Variants in CCDC34 observed in about 807,000 individuals in gnomAD.
CCDC34 encodes the protein coiled-coil domain-containing protein 34.
In CCDC34, 40 loss-of-function variants were observed where a neutral mutation model predicts 44.1. The observed-to-expected ratio is 0.91, with a 90% CI of 0.70 to 1.18. The LOEUF (loss-of-function observed/expected upper bound fraction) is 1.18. CCDC34 is among the 50% of genes most tolerant of loss of function. The pLI is 0.00. For missense variants in CCDC34, 466 were observed against 452.3 expected (o/e 1.03, Z -0.28); for synonymous variants, 159 against 158.2 (o/e 1.01, Z -0.04).
At chr11:27,351,035 T>C (rs906667234) in intron 2 of CCDC34, among the ~76,000 whole-genome samples, 2 of 152,206 alleles carry the variant, frequency 1.3e-5, no homozygotes, top group Non-Finnish European at 2.9e-5. Context: ...ATCTACACGT[T>C]TGGGCATTTC....
chr11:27,338,680 A>G lies in CCDC34; in HGVS notation c.*141T>C, dbSNP rs1246907749. 10 of 679,370 alleles carry G rather than the reference A, an allele frequency of 1.5e-5. No homozygotes were observed. The highest frequency in any genetic ancestry group is 2.5e-5 in the Non-Finnish European group (10 of 406,144). The allele number at this position is 679,370 out of a possible 1,614,324, so 42.1% of individuals were successfully genotyped here. On this transcript the variant is annotated 3_prime_UTR_variant, in exon 6 of 6. Transcript: ENST00000328697. Reference sequence around the variant, plus strand: ...TCCAGAAAATATCTTCCTCAACTCTAAGGACTCCATATACAAATGCAAAAA... The same window carrying G: ...TCCAGAAAATATCTTCCTCAACTCTGAGGACTCCATATACAAATGCAAAAA...
chr11:27,357,364 G>A (rs1411333772), intron 2 of CCDC34, 39 bp downstream of exon 2: 3 of 1,580,926 alleles, frequency 1.9e-6, no homozygotes, highest in Non-Finnish European at 2.6e-6. Context: ...TACTTTGTGA[G>A]CTCACAGATT....
rs200257743 is a variant in CCDC34, at chr11:27,362,786, T to C, written c.359+50A>G. 2,028 of 1,582,826 alleles carry C rather than the reference T, an allele frequency of 1.3e-3. 3 individuals carry two copies. The highest frequency in any genetic ancestry group is 4.6e-3 in the Middle Eastern group (27 of 5,894). On this transcript the variant is annotated intron_variant, in intron 1 of 5. Coordinates refer to ENST00000328697, the MANE Select transcript of CCDC34 (RefSeq NM_030771.2). Reference sequence around the variant, plus strand: ...TGTTAGAAGGGGGTACTTAAGAGGGTCTAAGGAATCTTGAAAAGGGCTGAA... The same window carrying C: ...TGTTAGAAGGGGGTACTTAAGAGGGCCTAAGGAATCTTGAAAAGGGCTGAA...
intron 3 of CCDC34, among the ~76,000 whole-genome samples, chr11:27,342,853 C>G (rs1862380879): frequency 6.6e-6 from 1 of 152,126 alleles, no homozygotes; most frequent in African/African-American, 2.4e-5. Flanking sequence ...CAGCTAAATT[C>G]TAAATAACCA....
At chr11:27,342,232 T>G (rs1159490746) in intron 3 of CCDC34, among the ~76,000 whole-genome samples, 2 of 151,184 alleles carry the variant, frequency 1.3e-5, no homozygotes, top group Non-Finnish European at 2.9e-5. Flanking sequence ...TACAATCTGT[T>G]AGATTGTCTG....
At chr11:27,346,912 C>G (rs1862442732) in intron 3 of CCDC34, among the ~76,000 whole-genome samples, 1 of 152,126 alleles carries the variant, frequency 6.6e-6, no homozygotes, top group Non-Finnish European at 1.5e-5. Context: ...TATATGTGAA[C>G]AGAGAAAAGC....
chr11:27,352,300 C>A (rs1192561424), intron 2 of CCDC34, among the ~76,000 whole-genome samples: 2 of 151,682 alleles, frequency 1.3e-5, no homozygotes, highest in Non-Finnish European at 2.9e-5. Flanking sequence ...GGAGACTCGC[C>A]TGAACCTGGG....
At chr11:27,360,515 T>C (rs533464480) in intron 1 of CCDC34, among the ~76,000 whole-genome samples, 9 of 152,190 alleles carry the variant, frequency 5.9e-5, no homozygotes, top group African/African-American at 1.9e-4. Context: ...AGGCATAAAA[T>C]CCCACACAGC....
intron 2 of CCDC34, among the ~76,000 whole-genome samples, chr11:27,355,644 G>A (rs1284941104): frequency 2.0e-5 from 3 of 152,036 alleles, no homozygotes; most frequent in Non-Finnish European, 2.9e-5. Flanking sequence ...TTAAGCAGAC[G>A]AGAAAATAGA....
intron 1 of CCDC34, among the ~76,000 whole-genome samples, chr11:27,357,887 A>T (rs1474375145): frequency 6.6e-6 from 1 of 152,168 alleles, no homozygotes; most frequent in East Asian, 1.9e-4. Flanking sequence ...TCATTACAAC[A>T]TATAATCCTA....
chr11:27,362,666 G>C (rs1027731156), intron 1 of CCDC34, among the ~76,000 whole-genome samples, 170 bp downstream of exon 1: 5 of 151,032 alleles, frequency 3.3e-5, no homozygotes, highest in African/African-American at 9.7e-5. Flanking sequence ...ATGGTCATTT[G>C]CAAGAATTTG....
intron 3 of CCDC34, chr11:27,349,783 C>A (rs760566815): frequency 8.3e-5 from 79 of 949,968 alleles, no homozygotes; most frequent in Non-Finnish European, 9.4e-5. Flanking sequence ...GAAAACTGAA[C>A]AAAAGAGGCA....
intron 1 of CCDC34, among the ~76,000 whole-genome samples, chr11:27,359,469 G>GCTAT (rs1862627739): frequency 6.6e-6 from 1 of 151,702 alleles, no homozygotes; most frequent in South Asian, 2.1e-4. Flanking sequence ...CTTCTTCCTA[G>GCTAT]CTATGTACAT....
chr11:27,357,333 T>G (rs760591930), intron 2 of CCDC34, 70 bp downstream of exon 2: 65 of 1,461,736 alleles, frequency 4.4e-5, no homozygotes, highest in Non-Finnish European at 5.6e-5. Flanking sequence ...ACATTAACAT[T>G]TTAATTTACA....
chr11:27,353,792 A>G (rs1180632164), intron 2 of CCDC34, among the ~76,000 whole-genome samples: 1 of 152,222 alleles, frequency 6.6e-6, no homozygotes, highest in Non-Finnish European at 1.5e-5. Context: ...TCATTAAAAA[A>G]TAAATACTAA....
intron 3 of CCDC34, 162 bp downstream of exon 3, chr11:27,350,170 G>A: frequency 1.3e-6 from 2 of 1,531,794 alleles, no homozygotes; most frequent in South Asian, 2.7e-5. Flanking sequence ...AAGGGCAGAA[G>A]ATAGAGACTT....
intron 3 of CCDC34, among the ~76,000 whole-genome samples, chr11:27,344,099 T>G (rs1057280681): frequency 6.6e-6 from 1 of 152,140 alleles, no homozygotes; most frequent in Non-Finnish European, 1.5e-5. Flanking sequence ...ACTAGTTGAT[T>G]CCATTACAGT....
intron 1 of CCDC34, among the ~76,000 whole-genome samples, chr11:27,361,151 G>A (rs574243866): frequency 2.6e-5 from 4 of 152,256 alleles, no homozygotes; most frequent in African/African-American, 7.2e-5. Flanking sequence ...TCAAACCCAC[G>A]TCCCAGCTAC....
chr11:27,345,721 T>C (rs1054643454), intron 3 of CCDC34, among the ~76,000 whole-genome samples: 2 of 152,194 alleles, frequency 1.3e-5, no homozygotes, highest in Non-Finnish European at 2.9e-5. Context: ...GTCTTTGCTA[T>C]TGTGAATAGT....
Sources: allele counts gnomAD v4.1 joint callset (sites outside exome capture counted in the v4.1 genomes callset), GRCh38; gene constraint gnomAD v4.1.1; transcripts MANE v1.5; gene names NCBI Gene and HGNC (gene_info 2026-07-23, HGNC 2026-07-21).